CDH12: variants seen among roughly 807,000 people sequenced by gnomAD.
CDH12 encodes the protein cadherin-12.
In CDH12, 41 loss-of-function variants were observed where a neutral mutation model predicts 74.1. The observed-to-expected ratio is 0.55, with a 90% CI of 0.43 to 0.72. The LOEUF is 0.72. CDH12 is among the 30% of genes least tolerant of loss of function. CDH12 has a pLI of 0.00. For missense variants in CDH12, 945 were observed against 977.2 expected, an observed-to-expected ratio of 0.97 and a Z score of 0.44; for synonymous variants, 399 against 355.0, an observed-to-expected ratio of 1.12 and a Z score of -1.39.
chr5:21,984,770 A>G (rs1757445424), intron 5 of CDH12, among the ~76,000 whole-genome samples: 4 of 152,198 alleles, frequency 2.6e-5, no homozygotes, highest in Admixed American at 2.0e-4. Context: ...AAATAGAAGT[A>G]ATTATATGAT....
rs184174889 is a variant in CDH12 at position 22,095,563 on chromosome 5, T to C, written c.-186-16701A>G. Among the ~76,000 whole-genome samples, 289 of 152,132 alleles carry C rather than the reference T, an allele frequency of 1.9e-3. 4 individuals carry two copies. Among genetic ancestry groups the C allele is most frequent in the African/African-American group, 6.5e-3 (270 of 41,506 alleles). ...AGAACACTCCAACTCCTTCTCTCCA[T>C]GTCTCTACCCCTTCTCTGCTTTTCT... is the stretch of plus-strand genomic sequence containing the variant. On this transcript the variant is annotated intron_variant, in intron 4 of 14. Transcript: ENST00000382254.
At chr5:22,486,064 T>G (rs982793317) in intron 2 of CDH12, among the ~76,000 whole-genome samples, 2 of 152,166 alleles carry the variant, frequency 1.3e-5, no homozygotes, top group Admixed American at 6.5e-5. Context: ...TGCACATAGC[T>G]GCTGCCCCGT....
chr5:22,519,226 C>T (rs1477756734), intron 1 of CDH12, among the ~76,000 whole-genome samples: 1 of 152,240 alleles, frequency 6.6e-6, no homozygotes, highest in East Asian at 1.9e-4. Flanking sequence ...AGACTAAGGG[C>T]TGTACTGCTC....
At chr5:22,802,357 T>C (rs948061425) in intron 1 of CDH12, among the ~76,000 whole-genome samples, 2 of 151,996 alleles carry the variant, frequency 1.3e-5, no homozygotes, top group Non-Finnish European at 2.9e-5. Context: ...CCTGACCTTG[T>C]GATCCGCCCG....
intron 7 of CDH12, among the ~76,000 whole-genome samples, chr5:21,844,784 A>G (rs1750066396): frequency 6.6e-6 from 1 of 152,092 alleles, no homozygotes; most frequent in African/African-American, 2.4e-5. Context: ...CAATTCCACA[A>G]CTCTCTCTGT....
chr5:22,411,032 A>G (rs1743149089), intron 2 of CDH12, among the ~76,000 whole-genome samples: 1 of 152,018 alleles, frequency 6.6e-6, no homozygotes, highest in African/African-American at 2.4e-5. Context: ...TTTGGGGATA[A>G]TTGTACTCTA....
intron 1 of CDH12, among the ~76,000 whole-genome samples, chr5:22,718,292 C>T (rs1296182912): frequency 6.6e-6 from 1 of 152,174 alleles, no homozygotes; most frequent in African/African-American, 2.4e-5. Flanking sequence ...TTTCCATCCA[C>T]CCCCACTCCC....
intron 6 of CDH12, among the ~76,000 whole-genome samples, chr5:21,954,308 G>T (rs1208005526): frequency 6.6e-6 from 1 of 150,948 alleles, no homozygotes; most frequent in Non-Finnish European, 1.5e-5. Context: ...AAAATTAAAT[G>T]TTACATATTC....
chr5:21,834,171 G>T (rs373336052), intron 8 of CDH12, among the ~76,000 whole-genome samples: 2 of 150,976 alleles, frequency 1.3e-5, no homozygotes, highest in South Asian at 2.1e-4. Flanking sequence ...GCTTAGATTT[G>T]CAGTTTTATT....
chr5:22,527,786 G>A (rs907438264), intron 1 of CDH12, among the ~76,000 whole-genome samples: 5 of 152,088 alleles, frequency 3.3e-5, no homozygotes, highest in African/African-American at 1.2e-4. Flanking sequence ...TTGAGCCAAG[G>A]CAGCTTAGGC....
intron 1 of CDH12, among the ~76,000 whole-genome samples, chr5:22,521,016 G>C (rs1482414655): frequency 6.6e-6 from 1 of 150,764 alleles, no homozygotes; most frequent in Non-Finnish European, 1.5e-5. Flanking sequence ...TTAGTAAAGC[G>C]TGTTGTTTAA....
chr5:22,284,028 T>G (rs1019520608), intron 3 of CDH12, among the ~76,000 whole-genome samples: 12 of 152,166 alleles, frequency 7.9e-5, no homozygotes, highest in African/African-American at 2.9e-4. Flanking sequence ...ACTTAGTTAC[T>G]GACTACATTT....
intron 3 of CDH12, among the ~76,000 whole-genome samples, chr5:22,272,551 C>T (rs995784659): frequency 6.6e-6 from 1 of 152,160 alleles, no homozygotes; most frequent in South Asian, 2.1e-4. Flanking sequence ...TTTCAACAGG[C>T]CTTTCTCATT....
chr5:22,603,676 G>A (rs537461047), intron 1 of CDH12, among the ~76,000 whole-genome samples: 18 of 152,262 alleles, frequency 1.2e-4, no homozygotes, highest in African/African-American at 4.1e-4. Context: ...TATTCTTGGA[G>A]GTCAAATAAT....
intron 6 of CDH12, among the ~76,000 whole-genome samples, chr5:21,944,720 A>T (rs1404500049): frequency 1.3e-5 from 2 of 151,730 alleles, no homozygotes; most frequent in Admixed American, 6.6e-5. Flanking sequence ...GTTGGCCCCT[A>T]CTCACCCCCT....
intron 3 of CDH12, among the ~76,000 whole-genome samples, chr5:22,317,324 A>C (rs1738676074): frequency 6.6e-6 from 1 of 152,200 alleles, no homozygotes; most frequent in Non-Finnish European, 1.5e-5. Flanking sequence ...TCTCAAAAAA[A>C]AAATAAAAAA....
intron 3 of CDH12, among the ~76,000 whole-genome samples, chr5:22,224,596 T>C (rs1255533149): frequency 3.9e-5 from 6 of 152,102 alleles, no homozygotes; most frequent in South Asian, 4.1e-4. Flanking sequence ...AATGTAGCCA[T>C]TGAAATATGT....
rs927067475 is a variant in CDH12 at position 22,688,230 on chromosome 5, A to C, written c.-523+164828T>G. Reference sequence around the variant, plus strand: ...TAAGGCATTAGATAAAATATATTAGATAGTCACAAGTTAATTCCAGCTTGG... The same window carrying C: ...TAAGGCATTAGATAAAATATATTAGCTAGTCACAAGTTAATTCCAGCTTGG... On this transcript the variant is annotated intron_variant, in intron 1 of 14. Coordinates refer to ENST00000382254, the MANE Select transcript of CDH12 (RefSeq NM_004061.5). Among the ~76,000 whole-genome samples the C allele has an allele frequency of 1.1e-4, 16 of 152,280 alleles. No homozygotes were observed. The South Asian group carries it at 3.3e-3, about 32-fold the overall frequency.
At chr5:21,906,193 G>A (rs78622288) in intron 6 of CDH12, among the ~76,000 whole-genome samples, 1 of 152,120 alleles carries the variant, frequency 6.6e-6, no homozygotes, top group African/African-American at 2.4e-5. Context: ...TCTTGAAATA[G>A]GATATTTTCC....
Sources: allele counts gnomAD v4.1 joint callset (sites outside exome capture counted in the v4.1 genomes callset), GRCh38; gene constraint gnomAD v4.1.1; transcripts MANE v1.5; gene names NCBI Gene and HGNC (gene_info 2026-07-23, HGNC 2026-07-21).